Variants in RGMA observed in about 807,000 individuals in gnomAD.
The protein encoded by RGMA is repulsive guidance molecule BMP co-receptor a, also known as repulsive guidance molecule A.
Under a neutral mutation model 23.2 loss-of-function variants are expected in RGMA, and 10 were observed. The observed-to-expected ratio is 0.43, with a 90% CI of 0.27 to 0.73. The LOEUF is 0.73. Among genes scored for constraint, RGMA ranks in the 30% least tolerant of loss-of-function variants. The pLI, the probability that RGMA is intolerant of heterozygous loss-of-function variation, is 0.20. For synonymous variants in RGMA, 308 were observed against 279.3 expected (o/e 1.10, Z -1.03); for missense variants, 547 against 630.5 (o/e 0.87, Z 1.42).
chr15:93,070,185 A>G (rs1009149202), intron 2 of RGMA, among the ~76,000 whole-genome samples: 1 of 152,222 alleles, frequency 6.6e-6, no homozygotes, highest in Non-Finnish European at 1.5e-5. Flanking sequence ...TTGGCCATCC[A>G]CATGGAGTAA....
intron 3 of RGMA, among the ~76,000 whole-genome samples, chr15:93,051,064 C>T (rs1374503918): frequency 2.0e-5 from 3 of 152,156 alleles, no homozygotes; most frequent in South Asian, 2.1e-4. Flanking sequence ...GCCAAGGGCC[C>T]GCTTGGGAAT....
rs1223637043 is a variant in RGMA, at chr15:93,043,701, G to T, written c.*1297C>A. On this transcript the variant is annotated 3_prime_UTR_variant, in exon 4 of 4. Transcript: ENST00000329082. ...GGGAGCAGGACCTCTTGGAGGGAGG[G>T]GGAGACACACGTTCTGCAGCCTCCT... 6.6e-6 allele frequency: 1 copy of T among 151,992 alleles called. No homozygotes were observed. The highest frequency in any genetic ancestry group is 2.1e-4 in the South Asian group (1 of 4,784). 9.4% of individuals were successfully genotyped at this position (151,992 alleles called of 1,614,324 possible).
intron 2 of RGMA, among the ~76,000 whole-genome samples, chr15:93,072,440 G>A (rs1210765686): frequency 6.6e-6 from 1 of 152,198 alleles, no homozygotes; most frequent in Non-Finnish European, 1.5e-5. Flanking sequence ...GAAACGAGAC[G>A]AGGTCTCCGG....
rs1424380506 is a variant in RGMA at position 93,040,415 on chromosome 15, C to T, written c.*4583G>A. ...CAGTGACAGTGGCTTCCCACCATCC[C>T]TTAAACTCCCCCTTTGCTGCTGCTG... On this transcript the variant is annotated 3_prime_UTR_variant, in exon 4 of 4. Transcript: ENST00000329082. 1 of 152,730 alleles carries T rather than the reference C, an allele frequency of 6.5e-6. No individual in the cohort carries two copies. Among genetic ancestry groups the T allele is most frequent in the Non-Finnish European group, 1.5e-5 (1 of 68,492 alleles). 9.5% of individuals were successfully genotyped at this position (152,730 alleles called of 1,614,324 possible). A position where few individuals can be genotyped will look rare whatever the true frequency, so the allele number is the denominator to read the frequency against.
chr15:93,081,957 A>G (rs150236022), intron 1 of RGMA, among the ~76,000 whole-genome samples: 14 of 152,358 alleles, frequency 9.2e-5, no homozygotes, highest in African/African-American at 2.4e-4. Context: ...TATATTACAG[A>G]GGCAATATAG....
chr15:93,051,907 C>T, intron 3 of RGMA, 86 bp downstream of exon 3: 1 of 1,378,714 alleles, frequency 7.3e-7, no homozygotes, highest in Non-Finnish European at 9.8e-7. Context: ...TTCCCAGGCA[C>T]CCGAGGCCCT....
intron 3 of RGMA, among the ~76,000 whole-genome samples, chr15:93,048,852 G>A (rs1391685831): frequency 6.6e-6 from 1 of 151,008 alleles, no homozygotes; most frequent in Non-Finnish European, 1.5e-5. Context: ...GGGGGAGGAT[G>A]GGGGACTCTG....
At chr15:93,088,321 C>T in intron 1 of RGMA, 1 of 985,614 alleles carries the variant, frequency 1.0e-6, no homozygotes, top group African/African-American at 1.7e-5. Flanking sequence ...TGAATCGTCG[C>T]CGTGCCCTCC....
chr15:93,062,667 CA>C (rs1895006943), intron 2 of RGMA: 1 of 152,216 alleles, frequency 6.6e-6, no homozygotes, highest in South Asian at 2.1e-4. Context: ...AATTTCCCCA[CA>C]AGGGGACACT....
intron 2 of RGMA, among the ~76,000 whole-genome samples, chr15:93,054,556 G>T (rs547525547): frequency 1.3e-5 from 2 of 152,180 alleles, no homozygotes; most frequent in African/African-American, 2.4e-5. Context: ...CTGCTGCCAC[G>T]TAAGATGTGC....
At chr15:93,067,889 C>T (rs1895207753) in intron 2 of RGMA, among the ~76,000 whole-genome samples, 1 of 152,066 alleles carries the variant, frequency 6.6e-6, no homozygotes, top group Admixed American at 6.6e-5. Flanking sequence ...AGGTCCTAAG[C>T]CTGTCTGCTG....
intron 1 of RGMA, among the ~76,000 whole-genome samples, chr15:93,079,499 A>G (rs1388933763): frequency 6.6e-6 from 1 of 152,190 alleles, no homozygotes; most frequent in Non-Finnish European, 1.5e-5. Context: ...CTTTTTTAGT[A>G]TATATTCTGC....
Position 93,073,588 on chromosome 15 carries a change from A to G in RGMA, c.15-557T>C, listed in dbSNP as rs1490071965. 4 of 1,535,226 alleles carry G rather than the reference A, an allele frequency of 2.6e-6. No individual in the cohort carries two copies. The East Asian group carries it at 7.3e-5, about 28-fold the overall frequency. On this transcript the variant is annotated intron_variant, in intron 1 of 3. Coordinates refer to ENST00000329082, the MANE Select transcript of RGMA (RefSeq NM_020211.3). ...CTTTCCAACCAGACTGCCGACCCCA[A>G]GCTTCCACCGACGCCCCCTGGCTCA...
intron 2 of RGMA, among the ~76,000 whole-genome samples, chr15:93,070,205 A>G (rs1417599635): frequency 1.3e-5 from 2 of 152,204 alleles, no homozygotes; most frequent in African/African-American, 4.8e-5. Context: ...AGTAAATGCA[A>G]ACACTCGAAA....
chr15:93,038,569 G>GTTGTTGTTTTTTTTTTT lies in RGMA; in HGVS notation c.*6428_*6429insAAAAAAAAAAACAACAA, dbSNP rs1471553159. On this transcript the variant is annotated 3_prime_UTR_variant, in exon 4 of 4. Coordinates refer to ENST00000329082, the MANE Select transcript of RGMA (RefSeq NM_020211.3). ...GCCTTAATGAACGAAACTGTTAGTT[G>GTTGTTGTTTTTTTTTTT]TTTTTTTTTTTTTTTTGAGACGGTG... 3.0e-5 allele frequency: 3 copies of GTTGTTGTTTTTTTTTTT among 100,222 alleles called. No homozygotes were observed. Among genetic ancestry groups the GTTGTTGTTTTTTTTTTT allele is most frequent in the African/African-American group, 9.7e-5 (3 of 30,860 alleles). 6.2% of individuals were successfully genotyped at this position (100,222 alleles called of 1,614,324 possible).
intron 1 of RGMA, among the ~76,000 whole-genome samples, chr15:93,080,387 G>A (rs1411313543): frequency 3.3e-5 from 5 of 152,028 alleles, no homozygotes; most frequent in African/African-American, 7.2e-5. Context: ...ATTTTTTGTG[G>A]AGATGGGGTT....
Position 93,045,652 on chromosome 15 carries a change from C to T in RGMA, c.699G>A (p.Gln233=). 1 of 1,610,088 alleles carries T rather than the reference C, an allele frequency of 6.2e-7. No individual in the cohort carries two copies. Among genetic ancestry groups the T allele is most frequent in the Non-Finnish European group, 8.5e-7 (1 of 1,179,846 alleles). The change falls in exon 4 of 4, where the codon CAG becomes CAA. Residue 233 remains glutamine (Q), a synonymous_variant. Transcript: ENST00000329082. This position sits in a 1 kb window ranked among gnomAD's most constrained non-coding sequence, Gnocchi z 6.9. ...CGGCCGGGAGCTCGTCCATCTCAGCCTGGTACACCTTCTGGTCCACACACT... is the reference window on the plus strand; with the variant it reads ...CGGCCGGGAGCTCGTCCATCTCAGCTTGGTACACCTTCTGGTCCACACACT... ...FQECVDQKVY[Q]AEMDELPAAF...
chr15:93,085,895 G>C (rs920895363), intron 1 of RGMA, among the ~76,000 whole-genome samples: 14 of 152,188 alleles, frequency 9.2e-5, no homozygotes, highest in Admixed American at 8.5e-4. Flanking sequence ...CTGTCACCAA[G>C]GAAACTGACT....
intron 1 of RGMA, among the ~76,000 whole-genome samples, chr15:93,082,226 C>T (rs905963561): frequency 6.6e-6 from 1 of 152,230 alleles, no homozygotes; most frequent in Non-Finnish European, 1.5e-5. Flanking sequence ...GATTCAGCTA[C>T]AGCCTTTGTA....
Sources: allele counts gnomAD v4.1 joint callset (sites outside exome capture counted in the v4.1 genomes callset), GRCh38; gene constraint gnomAD v4.1.1; non-coding constraint Gnocchi (gnomAD v3.1); transcripts MANE v1.5; gene names NCBI Gene and HGNC (gene_info 2026-07-23, HGNC 2026-07-21).